MYO16: variants seen among roughly 807,000 people sequenced by gnomAD.
MYO16 encodes myosin XVI.
MYO16 carries 94 observed loss-of-function variants against 205.3 expected under a neutral mutation model. The ratio of observed to expected loss-of-function variants is 0.46; its 90% CI spans 0.39 to 0.54. MYO16 has a LOEUF of 0.54. Ranked by LOEUF, MYO16 falls within the 20% of genes least tolerant of loss-of-function variation. The pLI, the probability that MYO16 is intolerant of heterozygous loss-of-function variation, is 0.00. For missense variants in MYO16, 2,315 were observed against 2,387.5 expected, an observed-to-expected ratio of 0.97 and a Z score of 0.63; for synonymous variants, 988 against 954.0, an observed-to-expected ratio of 1.04 and a Z score of -0.66.
At chr13:109,068,815 T>A (rs760943265) in intron 27 of MYO16, among the ~76,000 whole-genome samples, 6 of 152,156 alleles carry the variant, frequency 3.9e-5, no homozygotes, top group Non-Finnish European at 8.8e-5. Context: ...GGTCTCAAAC[T>A]CCTGACCTCA....
At chr13:108,736,282 A>G (rs1884695200) in intron 4 of MYO16, among the ~76,000 whole-genome samples, 1 of 152,178 alleles carries the variant, frequency 6.6e-6, no homozygotes, top group South Asian at 2.1e-4. Context: ...TTTTAGGTCT[A>G]ACATTGAAGT....
chr13:108,871,322 T>TTGTGTGTGTGTGTG (rs58117690), intron 12 of MYO16, among the ~76,000 whole-genome samples: 90 of 131,564 alleles, frequency 6.8e-4, no homozygotes, highest in East Asian at 2.3e-3. Flanking sequence ...CTATGTGACT[T>TTGTGTGTGTGTGTG]TGTGTGTGTG....
chr13:108,507,843 A>G, the MYO16 span, among the ~76,000 whole-genome samples: 1 of 152,060 alleles, frequency 6.6e-6, no homozygotes, highest in African/African-American at 2.4e-5. Flanking sequence ...CACTTATATT[A>G]TTATCTACCT....
intron 29 of MYO16, among the ~76,000 whole-genome samples, chr13:109,124,211 C>G (rs1383195195): frequency 6.6e-6 from 1 of 152,168 alleles, no homozygotes; most frequent in Non-Finnish European, 1.5e-5. Flanking sequence ...ATATGCTTCC[C>G]TGTGACTTTC....
intron 14 of MYO16, among the ~76,000 whole-genome samples, chr13:108,891,372 A>G (rs1880165257): frequency 6.6e-6 from 1 of 152,048 alleles, no homozygotes; most frequent in Non-Finnish European, 1.5e-5. Flanking sequence ...TGTAGGGAAG[A>G]CACATTTGTT....
At position 108,643,060 on chromosome 13, in the gene MYO16, T is replaced by A. The variant is rs574722270; in HGVS notation, c.28+13188T>A. Among the ~76,000 whole-genome samples the A allele has an allele frequency of 6.6e-5, 10 of 152,234 alleles. No homozygotes were observed. In the East Asian group the frequency reaches 7.7e-4, roughly 12 times the overall value. ...TTTTAGGTGTATAGTTAAAAAAAAA[T>A]TTGACAAATGAGGGACCCACCATGT... On this transcript the variant is annotated intron_variant, in intron 1 of 34. Coordinates refer to ENST00000457511, the MANE Select transcript of MYO16 (RefSeq NM_001198950.3).
intron 12 of MYO16, among the ~76,000 whole-genome samples, chr13:108,881,630 C>T (rs376249448): frequency 3.5e-4 from 53 of 152,212 alleles, no homozygotes; most frequent in East Asian, 3.5e-3. Context: ...AACCATGGCA[C>T]GAGAACTACG....
intron 1 of MYO16, among the ~76,000 whole-genome samples, chr13:108,631,118 AC>A (rs1879960224): frequency 6.6e-6 from 1 of 152,232 alleles, no homozygotes; most frequent in Non-Finnish European, 1.5e-5. Context: ...GGAGAAATAG[AC>A]ACAGGGCAAT....
chr13:108,565,492 A>G, the MYO16 span, among the ~76,000 whole-genome samples: 1 of 152,180 alleles, frequency 6.6e-6, no homozygotes, highest in African/African-American at 2.4e-5. Flanking sequence ...CTCTTGGCAT[A>G]TAGAAATGTA....
rs1240616530 is a variant in MYO16 at position 108,629,823 on chromosome 13, G to C, written c.-22G>C. 6.5e-7 allele frequency: 1 copy of C among 1,527,006 alleles called. No homozygotes were observed. Among genetic ancestry groups the C allele is most frequent in the African/African-American group, 1.4e-5 (1 of 73,112 alleles). The allele number at this position is 1,527,006 out of a possible 1,614,324, so 94.6% of individuals were successfully genotyped here. A position where few individuals can be genotyped will look rare whatever the true frequency, so the allele number is the denominator to read the frequency against. On this transcript the variant is annotated 5_prime_UTR_variant, in exon 1 of 35. Coordinates refer to ENST00000457511, the MANE Select transcript of MYO16 (RefSeq NM_001198950.3). The stretch of plus-strand genomic sequence containing the variant: ...AAGAGAATGCTGGAACCCGTAGCAA[G>C]ATTCCTGTCTGAGATGGAAAGATGT...
chr13:108,925,632 A>T (rs895672237), intron 16 of MYO16, among the ~76,000 whole-genome samples: 7 of 152,116 alleles, frequency 4.6e-5, no homozygotes, highest in African/African-American at 1.2e-4. Flanking sequence ...CTGGAATGTT[A>T]TTCTTGGCTC....
intron 27 of MYO16, among the ~76,000 whole-genome samples, chr13:109,068,089 T>C (rs1014289747): frequency 1.3e-5 from 2 of 152,180 alleles, no homozygotes; most frequent in Non-Finnish European, 2.9e-5. Context: ...AGAGATCTAT[T>C]TGCAACCCTA....
intron 1 of MYO16, among the ~76,000 whole-genome samples, chr13:108,633,941 C>T (rs1337823548): frequency 6.6e-6 from 1 of 152,160 alleles, no homozygotes; most frequent in African/African-American, 2.4e-5. Flanking sequence ...GCCCATAGTC[C>T]ATTGCTGAAG....
intron 1 of MYO16, among the ~76,000 whole-genome samples, chr13:108,643,093 C>A (rs1880583859): frequency 6.6e-6 from 1 of 152,144 alleles, no homozygotes; most frequent in South Asian, 2.1e-4. Flanking sequence ...TGTAAGGGAC[C>A]CACAATGAAC....
intron 18 of MYO16, among the ~76,000 whole-genome samples, chr13:108,962,091 C>T (rs760183575): frequency 1.3e-5 from 2 of 152,100 alleles, no homozygotes; most frequent in Non-Finnish European, 2.9e-5. Context: ...TACCTTAAAA[C>T]CACAGATTGT....
At chr13:109,079,673 G>A (rs1888222761) in intron 27 of MYO16, among the ~76,000 whole-genome samples, 1 of 151,974 alleles carries the variant, frequency 6.6e-6, no homozygotes, top group Non-Finnish European at 1.5e-5. Flanking sequence ...CTGAGGGACA[G>A]GATCCATACC....
chr13:109,058,801 A>C (rs1566485662), intron 27 of MYO16, among the ~76,000 whole-genome samples: 1 of 152,160 alleles, frequency 6.6e-6, no homozygotes, highest in Non-Finnish European at 1.5e-5. Flanking sequence ...GCGAAGCTGC[A>C]ACAGCATTTT....
At chr13:108,799,452 T>G (rs146332535) in intron 6 of MYO16, among the ~76,000 whole-genome samples, 1 of 152,322 alleles carries the variant, frequency 6.6e-6, no homozygotes, top group African/African-American at 2.4e-5. Flanking sequence ...GATCTAGTAA[T>G]TACCATGATT....
intron 4 of MYO16, among the ~76,000 whole-genome samples, chr13:108,774,598 C>A (rs1886069321): frequency 6.6e-6 from 1 of 151,944 alleles, no homozygotes; most frequent in Non-Finnish European, 1.5e-5. Context: ...GCCTTACAGT[C>A]TATGTTGTAC....
Sources: allele counts gnomAD v4.1 joint callset (sites outside exome capture counted in the v4.1 genomes callset), GRCh38; gene constraint gnomAD v4.1.1; transcripts MANE v1.5; gene names NCBI Gene and HGNC (gene_info 2026-07-23, HGNC 2026-07-21).